Variants in TJP2 observed in about 807,000 individuals in gnomAD.
The protein encoded by TJP2 is tight junction protein 2, also known as Friedreich ataxia region gene X104 (tight junction protein ZO-2).
In TJP2, 91 loss-of-function variants were observed where a neutral mutation model predicts 133.1. The observed-to-expected ratio is 0.68, with a 90% CI of 0.58 to 0.81. The LOEUF is 0.81. TJP2 is among the 40% of genes least tolerant of loss of function. TJP2 has a pLI of 0.00. For synonymous variants in TJP2, 592 were observed against 583.4 expected (o/e 1.01, Z -0.21); for missense variants, 1,541 against 1,565.6 (o/e 0.98, Z 0.26).
intron 1 of TJP2, among the ~76,000 whole-genome samples, chr9:69,130,311 T>C (rs910436275): frequency 6.6e-6 from 1 of 152,118 alleles, no homozygotes; most frequent in Non-Finnish European, 1.5e-5. Context: ...ACTAGGGAAG[T>C]CAGCTGGATT....
chr9:69,145,944 C>A, intron 1 of TJP2: 1 of 448,900 alleles, frequency 2.2e-6, no homozygotes, highest in Non-Finnish European at 3.6e-6. Flanking sequence ...TCATTAAGAA[C>A]TTGTTTCTTC....
At chr9:69,146,403 T>G (rs1449290404) in intron 1 of TJP2, among the ~76,000 whole-genome samples, 2 of 152,240 alleles carry the variant, frequency 1.3e-5, no homozygotes, top group African/African-American at 2.4e-5. Flanking sequence ...AAGGTGAATT[T>G]AAGGTGCCTT....
chr9:69,157,521 A>T (rs1461712164), intron 2 of TJP2, among the ~76,000 whole-genome samples: 4 of 151,444 alleles, frequency 2.6e-5, no homozygotes, highest in Non-Finnish European at 5.9e-5. Context: ...GCTGGATTAC[A>T]GTAGCATGAT....
Position 69,218,305 on chromosome 9 carries a change from G to A in TJP2, c.288G>A (p.Val96=), listed in dbSNP as rs2133251607. The A allele has an allele frequency of 6.2e-7, 1 of 1,614,208 alleles. No homozygotes were observed. Among genetic ancestry groups the A allele is most frequent in the Non-Finnish European group, 8.5e-7 (1 of 1,180,040 alleles). The change falls in exon 4 of 23, where the codon GTG becomes GTA. Residue 96 remains valine (V), a synonymous_variant. Transcript: ENST00000377245. ...VMVNGTPMED[V]LHSFAVQQLR... is the part of the protein sequence containing the mutation. ...TCAATGGCACCCCCATGGAGGATGT[G>A]CTTCATTCGTTTGCAGTTCAGCAGC... is the stretch of plus-strand genomic sequence containing the variant.
At chr9:69,152,804 T>C (rs1239187185) in intron 2 of TJP2, among the ~76,000 whole-genome samples, 1 of 148,462 alleles carries the variant, frequency 6.7e-6, no homozygotes, top group Non-Finnish European at 1.5e-5. Context: ...ACTGAAATGT[T>C]CTCTCTGGAG....
chr9:69,229,730 G>C (rs1458532467), intron 10 of TJP2, among the ~76,000 whole-genome samples: 1 of 152,178 alleles, frequency 6.6e-6, no homozygotes, highest in Admixed American at 6.5e-5. Flanking sequence ...CTGCTTCTTT[G>C]TACCCAGACT....
upstream of TJP2, among the ~76,000 whole-genome samples, chr9:69,169,457 C>G (rs1005162859): frequency 1.3e-5 from 2 of 150,828 alleles, no homozygotes; most frequent in Admixed American, 1.3e-4. Flanking sequence ...CTCCCAAGTT[C>G]AAGTGATTCT....
At chr9:69,167,538 C>T (rs755240126) in intron 2 of TJP2, among the ~76,000 whole-genome samples, 2 of 152,044 alleles carry the variant, frequency 1.3e-5, no homozygotes, top group Non-Finnish European at 2.9e-5. Context: ...AGCCTTACAC[C>T]TTAAGTTACT....
chr9:69,145,933 T>G, intron 1 of TJP2: 1 of 500,184 alleles, frequency 2.0e-6, no homozygotes, highest in Non-Finnish European at 3.1e-6. Context: ...AAATGAGTTC[T>G]TCATTAAGAA....
chr9:69,145,984 T>C (rs983085252), intron 1 of TJP2, among the ~76,000 whole-genome samples: 1 of 152,068 alleles, frequency 6.6e-6, no homozygotes, highest in African/African-American at 2.4e-5. Context: ...CTAGACTGAT[T>C]TAAAAATAGG....
intron 2 of TJP2, among the ~76,000 whole-genome samples, chr9:69,214,881 C>A (rs199498359): frequency 0.013 from 1,449 of 107,790 alleles, 33 homozygotes; most frequent in African/African-American, 0.042. Flanking sequence ...AAAAAAAAAA[C>A]AAACAAATCC....
chr9:69,234,615 C>G (rs1830048540), intron 12 of TJP2, 68 bp downstream of exon 12: 6 of 1,165,776 alleles, frequency 5.1e-6, no homozygotes, highest in Non-Finnish European at 7.6e-6. Context: ...AGAGAGGTGT[C>G]TTGGTACCAG....
At chr9:69,156,872 A>C (rs1208092988) in intron 2 of TJP2, among the ~76,000 whole-genome samples, 1 of 152,182 alleles carries the variant, frequency 6.6e-6, no homozygotes, top group Non-Finnish European at 1.5e-5. Context: ...GGACAACTCA[A>C]AAGGGGTAGA....
chr9:69,240,773 G>GC (rs1830526745), intron 17 of TJP2, among the ~76,000 whole-genome samples: 1 of 151,010 alleles, frequency 6.6e-6, no homozygotes, highest in Admixed American at 6.6e-5. Flanking sequence ...CTGCACTCCT[G>GC]CCTGGTGACT....
At position 69,225,360 on chromosome 9, in the gene TJP2, CTGGCAACTAAAGA is replaced by C; in HGVS notation, c.1017_1029del (p.Lys340PhefsTer6). 6.2e-7 allele frequency: 1 copy of C among 1,613,944 alleles called. No homozygotes were observed. Among genetic ancestry groups the C allele is most frequent in the Non-Finnish European group, 8.5e-7 (1 of 1,179,934 alleles). ...CGTAAAGGAAATGACCCGAACGGGT[CTGGCAACTAAAGA>C]TGGCAACCTTCACGAAGGAGACATA... is the stretch of plus-strand genomic sequence containing the variant. On this transcript the variant is annotated frameshift_variant, in exon 6 of 23. Transcript: ENST00000377245. LOFTEE classifies it high-confidence loss of function.
intron 1 of TJP2, among the ~76,000 whole-genome samples, chr9:69,183,858 C>T (rs989455122): frequency 1.3e-5 from 2 of 152,176 alleles, no homozygotes; most frequent in Admixed American, 6.5e-5. Flanking sequence ...CTTCAGCCTC[C>T]CAAGTAGCTG....
chr9:69,151,830 G>A (rs780341007), intron 2 of TJP2: 122 of 1,230,484 alleles, frequency 9.9e-5, no homozygotes, highest in Non-Finnish European at 1.1e-4. Context: ...AAATTTGTTC[G>A]AATAGTTACC....
upstream of TJP2, among the ~76,000 whole-genome samples, chr9:69,172,085 G>A (rs371811404): frequency 3.9e-5 from 6 of 152,316 alleles, no homozygotes; most frequent in South Asian, 4.1e-4. Context: ...ATGAGCCACC[G>A]CGCCCTGCGG....
intron 17 of TJP2, among the ~76,000 whole-genome samples, chr9:69,244,184 G>GAAAAA (rs35047206): frequency 3.4e-5 from 2 of 58,332 alleles, no homozygotes; most frequent in Admixed American, 2.0e-4. Context: ...CCTGTCTCAG[G>GAAAAA]AAAAAAAAAA....
Sources: gnomAD v4.1 joint callset for allele counts (sites outside exome capture counted in the v4.1 genomes callset) on GRCh38, gnomAD v4.1.1 for gene constraint, MANE v1.5 for transcripts, NCBI Gene and HGNC (gene_info 2026-07-23, HGNC 2026-07-21) for gene names.